The following MARK1 variants were observed in gnomAD, a reference collection of about 807,000 sequenced individuals.
MARK1 encodes the protein serine/threonine-protein kinase MARK1.
In MARK1, 40 loss-of-function variants were observed where a neutral mutation model predicts 96.3. The ratio of observed to expected loss-of-function variants is 0.42; its 90% CI spans 0.32 to 0.54. The LOEUF (loss-of-function observed/expected upper bound fraction) is 0.54. Among genes scored for constraint, MARK1 ranks in the 20% least tolerant of loss-of-function variants. MARK1 has a pLI of 0.16. For synonymous variants in MARK1, 317 were observed against 341.2 expected, an observed-to-expected ratio of 0.93 and a Z score of 0.78; for missense variants, 719 against 984.6, an observed-to-expected ratio of 0.73 and a Z score of 3.61.
chr1:220,657,744 A>AT, intron 16 of MARK1, 46 bp from the exon 17 acceptor site: 1 of 1,409,916 alleles, frequency 7.1e-7, no homozygotes, highest in Non-Finnish European at 9.5e-7. Context: ...TTCTTGATAT[A>AT]TTTTTTACTT....
At position 220,623,265 on chromosome 1, in the gene MARK1, G is replaced by A. The variant is rs545867055; in HGVS notation, c.909+4510G>A. Reference sequence around the variant, plus strand: ...GAAAGTTTTTCCCTCGACTTTTAACGTTAACTCTTTTGGTTACCATGAAAG... The same window carrying A: ...GAAAGTTTTTCCCTCGACTTTTAACATTAACTCTTTTGGTTACCATGAAAG... On this transcript the variant is annotated intron_variant, in intron 9 of 17. Coordinates refer to ENST00000366917, the MANE Select transcript of MARK1 (RefSeq NM_018650.5). 5.9e-5 allele frequency among the ~76,000 whole-genome samples: 9 copies of A among 152,090 alleles called. No individual in the cohort carries two copies. The South Asian group carries it at 1.0e-3, about 18-fold the overall frequency.
chr1:220,579,340 A>G lies in MARK1; in HGVS notation c.52-14A>G, dbSNP rs748353065. 3.5e-5 allele frequency: 55 copies of G among 1,593,092 alleles called. No individual in the cohort carries two copies. The highest frequency in any genetic ancestry group is 3.9e-5 in the Non-Finnish European group (45 of 1,161,982). ...AATTTAATTAACAATGAAATCTTGT[A>G]AACTTTTTCTTAGCATACATCTGTG... is the stretch of plus-strand genomic sequence containing the variant. On this transcript the variant is annotated splice_polypyrimidine_tract_variant and intron_variant, in intron 1 of 17. Coordinates refer to ENST00000366917, the MANE Select transcript of MARK1 (RefSeq NM_018650.5).
rs767289212 is a variant in MARK1 at position 220,653,165 on chromosome 1, C to T, written c.1801C>T (p.Arg601Trp). 15 of 1,614,090 alleles carry T rather than the reference C, an allele frequency of 9.3e-6. No individual in the cohort carries two copies. The highest frequency in any genetic ancestry group is 8.0e-5 in the African/African-American group (6 of 74,938). ...CAGTATTAGTACTGCGACTCCAGAC[C>T]GGACCCGTTTTCCCCGAGGGAGCTC... ...AHSISTATPD[R>W]TRFPRGSSSR... The change falls in exon 16 of 18, where the codon CGG (arginine) becomes TGG (tryptophan). Residue 601 changes from arginine (R) to tryptophan (W), a missense_variant. Physicochemically the swap from Arg to Trp is moderately radical, Grantham distance 101. This residue lies in a region of MARK1 where 501 missense variants were observed against 588.3 expected (regional missense o/e 0.85). Transcript: ENST00000366917.
At position 220,663,474 on chromosome 1, in the gene MARK1, C is replaced by T. The variant is rs150822567; in HGVS notation, c.*1308C>T. 63 of 152,618 alleles carry T rather than the reference C, an allele frequency of 4.1e-4. No homozygotes were observed. Among genetic ancestry groups the T allele is most frequent in the African/African-American group, 1.4e-3 (60 of 41,522 alleles). The allele number at this position is 152,618 out of a possible 1,614,324, so 9.5% of individuals were successfully genotyped here. A position where few individuals can be genotyped will look rare whatever the true frequency, so the allele number is the denominator to read the frequency against. Reference sequence around the variant, plus strand: ...ACTTGTTATTTTATACTGAATTAGCCTTGGAGGTTGACTGTGCAATGTTAT... The same window carrying T: ...ACTTGTTATTTTATACTGAATTAGCTTTGGAGGTTGACTGTGCAATGTTAT... On this transcript the variant is annotated 3_prime_UTR_variant, in exon 18 of 18. Coordinates refer to ENST00000366917, the MANE Select transcript of MARK1 (RefSeq NM_018650.5).
intron 1 of MARK1, among the ~76,000 whole-genome samples, chr1:220,555,768 G>A (rs1662203370): frequency 6.6e-6 from 1 of 152,012 alleles, no homozygotes; most frequent in African/African-American, 2.4e-5. Context: ...ATTCAAGGAA[G>A]GTCATAGGTA....
chr1:220,629,009 T>A (rs549279170), intron 9 of MARK1, among the ~76,000 whole-genome samples: 26 of 152,076 alleles, frequency 1.7e-4, no homozygotes, highest in Non-Finnish European at 3.1e-4. Context: ...TTGTTAGAGA[T>A]CTTCCCTGGA....
chr1:220,549,686 G>A (rs1161386965), intron 1 of MARK1, among the ~76,000 whole-genome samples: 21 of 152,170 alleles, frequency 1.4e-4, no homozygotes, highest in African/African-American at 2.7e-4. Context: ...TGACATAGAT[G>A]TCCTCAGTGG....
At chr1:220,635,221 A>C (rs1266059596) in intron 11 of MARK1, among the ~76,000 whole-genome samples, 155 bp from the exon 12 acceptor site, 1 of 152,002 alleles carries the variant, frequency 6.6e-6, no homozygotes, top group Non-Finnish European at 1.5e-5. Context: ...CTGCTTGCCA[A>C]CTTAAAGTTC....
chr1:220,595,205 G>A (rs1048708244), intron 3 of MARK1, among the ~76,000 whole-genome samples: 3 of 152,144 alleles, frequency 2.0e-5, no homozygotes, highest in African/African-American at 7.2e-5. Context: ...TCATAGATAT[G>A]TATATGTATG....
At chr1:220,632,167 A>G (rs778137260) in intron 10 of MARK1, 34 bp from the exon 11 acceptor site, 30 of 1,110,438 alleles carry the variant, frequency 2.7e-5, no homozygotes, top group African/African-American at 9.7e-5. Flanking sequence ...AAATAAAACC[A>G]TTTTCAGAAA....
intron 11 of MARK1, among the ~76,000 whole-genome samples, chr1:220,633,421 C>T (rs778025735): frequency 3.3e-5 from 5 of 151,878 alleles, no homozygotes; most frequent in African/African-American, 4.9e-5. Flanking sequence ...TTTATAATTC[C>T]GTAGTAACTG....
chr1:220,605,894 T>A (rs895573835), intron 6 of MARK1, among the ~76,000 whole-genome samples: 13 of 152,222 alleles, frequency 8.5e-5, no homozygotes, highest in Admixed American at 6.5e-4. Flanking sequence ...TGTGCCACAT[T>A]TTCTTAATCC....
At chr1:220,644,219 G>A (rs907773023) in intron 13 of MARK1, among the ~76,000 whole-genome samples, 3 of 152,096 alleles carry the variant, frequency 2.0e-5, no homozygotes, top group Non-Finnish European at 4.4e-5. Flanking sequence ...AGGGATGGAG[G>A]AAACTTTACC....
At chr1:220,581,910 A>G (rs1011306589) in intron 3 of MARK1, among the ~76,000 whole-genome samples, 7 of 152,226 alleles carry the variant, frequency 4.6e-5, no homozygotes, top group African/African-American at 1.7e-4. Context: ...TTTATGCTGT[A>G]TGTGATAGGT....
At chr1:220,599,721 G>C in intron 4 of MARK1, 77 bp from the exon 5 acceptor site, 2 of 719,394 alleles carry the variant, frequency 2.8e-6, no homozygotes, top group Non-Finnish European at 4.6e-6. Flanking sequence ...TACTAGTTTA[G>C]TGTTACCTTA....
chr1:220,544,876 T>C (rs1661374343), intron 1 of MARK1, among the ~76,000 whole-genome samples: 1 of 152,230 alleles, frequency 6.6e-6, no homozygotes, highest in Non-Finnish European at 1.5e-5. Flanking sequence ...TTATTTCCTT[T>C]TCTATTCGCT....
chr1:220,529,017 C>G, intron 1 of MARK1, 144 bp downstream of exon 1: 11 of 743,998 alleles, frequency 1.5e-5, no homozygotes, highest in Non-Finnish European at 2.4e-5. Flanking sequence ...TGACCCTCAC[C>G]CACTGCTCAG....
intron 6 of MARK1, among the ~76,000 whole-genome samples, chr1:220,604,791 CATAT>C (rs1665968637): frequency 1.3e-5 from 2 of 151,460 alleles, no homozygotes; most frequent in Admixed American, 1.3e-4. Flanking sequence ...TATAAGTTAC[CATAT>C]AAATAGCAAA....
At chr1:220,567,410 A>G (rs898049966) in intron 1 of MARK1, among the ~76,000 whole-genome samples, 6 of 152,118 alleles carry the variant, frequency 3.9e-5, no homozygotes, top group Admixed American at 2.6e-4. Context: ...TTCTGATAGG[A>G]CAAAATTAGT....
Sources: gnomAD v4.1 joint callset for allele counts (sites outside exome capture counted in the v4.1 genomes callset) on GRCh38, gnomAD v4.1.1 for gene constraint, gnomAD v4.1.1 regional missense constraint, MANE v1.5 for transcripts, NCBI Gene and HGNC (gene_info 2026-07-23, HGNC 2026-07-21) for gene names.